FHOD1: variants seen among roughly 807,000 people sequenced by gnomAD.
FHOD1 encodes formin homology 2 domain containing 1.
A neutral mutation model predicts 111.6 loss-of-function variants in FHOD1; 89 were observed. The ratio of observed to expected loss-of-function variants is 0.80; its 90% CI spans 0.67 to 0.95. FHOD1 has a LOEUF of 0.95. FHOD1 is among the 40% of genes least tolerant of loss of function. FHOD1 has a pLI of 0.00. For missense variants in FHOD1, 1,446 were observed against 1,554.2 expected, an observed-to-expected ratio of 0.93 and a Z score of 1.17; for synonymous variants, 618 against 639.0, an observed-to-expected ratio of 0.97 and a Z score of 0.50.
Position 67,237,547 on chromosome 16 carries a change from C to T in FHOD1, c.777G>A (p.Leu259=). Residue 259 remains leucine, a synonymous_variant, in exon 8 of 22, where the codon CTG becomes CTA. Coordinates refer to ENST00000258201, the MANE Select transcript of FHOD1 (RefSeq NM_013241.3). The surrounding 1 kb of genome is among the most constrained non-coding windows in gnomAD (Gnocchi z 5.6). The stretch of plus-strand genomic sequence containing the variant: ...CATTCTTCTCCTCCAGGATGGACAC[C>T]AGATTGGCCCAGGGAGGAGCACCTG... ...STTGAPPWAN[L]VSILEEKNGA... is the part of the protein sequence containing the mutation. 6.2e-7 allele frequency: 1 copy of T among 1,614,100 alleles called. No individual in the cohort carries two copies. Among genetic ancestry groups the T allele is most frequent in the Non-Finnish European group, 8.5e-7 (1 of 1,180,024 alleles).
intron 2 of FHOD1, among the ~76,000 whole-genome samples, 157 bp from the exon 3 acceptor site, chr16:67,239,124 T>C (rs536970714): frequency 1.3e-5 from 2 of 152,206 alleles, no homozygotes; most frequent in South Asian, 4.2e-4. Context: ...GACAAGAGGG[T>C]TGGTGCAAAC....
rs1295097483 is a variant in FHOD1, at chr16:67,247,384, G to C, written c.27C>G (p.Asp9Glu). The stretch of plus-strand genomic sequence containing the variant: ...CGGTCACCACTGATACCGGCTCTCC[G>C]TCCCCGCGGTCTTCCCCGCCCGCCA... The part of the protein sequence containing the change: MAGGEDRG[D>E]GEPVSVVTVR... Residue 9 changes from aspartate to glutamate, a missense_variant, in exon 1 of 22, where the codon GAC (aspartate) becomes GAG (glutamate). By Grantham distance (45) the Asp-to-Glu change is conservative. Around this residue, in one of 3 missense-constraint regions of FHOD1, gnomAD observed 127 missense variants for 118.0 expected, o/e 1.08. Transcript: ENST00000258201. 6.2e-7 allele frequency: 1 copy of C among 1,612,878 alleles called. No homozygotes were observed. The highest frequency in any genetic ancestry group is 1.7e-5 in the Admixed American group (1 of 59,970).
In FHOD1 at chr16:67,231,108, G is replaced by T; in HGVS notation, c.2667+80C>A. On this transcript the variant is annotated intron_variant, in intron 17 of 21. Transcript: ENST00000258201. This position sits in a 1 kb window ranked among gnomAD's most constrained non-coding sequence, Gnocchi z 4.3. ...GCCCTGGCACAGCAGCCCAAATGGG[G>T]AGAAGGGGGAGGAGCCAGGCCCAGG... is the stretch of plus-strand genomic sequence containing the variant. The T allele has an allele frequency of 6.4e-7, 1 of 1,554,756 alleles. No homozygotes were observed. The highest frequency in any genetic ancestry group is 2.3e-5 in the East Asian group (1 of 44,316).
In FHOD1 at chr16:67,238,483, C is replaced by A. The variant is rs1378025329; in HGVS notation, c.374-36G>T. The A allele has an allele frequency of 6.4e-7, 1 of 1,570,282 alleles. No homozygotes were observed. Among genetic ancestry groups the A allele is most frequent in the African/African-American group, 1.4e-5 (1 of 74,004 alleles). On this transcript the variant is annotated intron_variant, in intron 3 of 21. Coordinates refer to ENST00000258201, the MANE Select transcript of FHOD1 (RefSeq NM_013241.3). This position sits in a 1 kb window ranked among gnomAD's most constrained non-coding sequence, Gnocchi z 4.2. ...TAGGGTATAAAACCCTTGATGGACACAGACTCACTGTCTTCCTCTGCTTGG... is the reference window on the plus strand; with the variant it reads ...TAGGGTATAAAACCCTTGATGGACAAAGACTCACTGTCTTCCTCTGCTTGG...
Position 67,234,601 on chromosome 16 carries a change from T to C in FHOD1, c.1320-129A>G. The C allele has an allele frequency of 9.2e-6, 7 of 760,262 alleles. No homozygotes were observed. In the South Asian group the frequency reaches 1.2e-4, roughly 13 times the overall value. The allele number at this position is 760,262 out of a possible 1,614,324, so 47.1% of individuals were successfully genotyped here. A position where few individuals can be genotyped will look rare whatever the true frequency, so the allele number is the denominator to read the frequency against. ...GACACACAGGGAACAGTCCATGCGC[T>C]GAGCAGACCAGAACCACACCCCCCC... On this transcript the variant is annotated intron_variant, in intron 11 of 21. Transcript: ENST00000258201.
chr16:67,233,182 G>T (rs1474610512), intron 13 of FHOD1, among the ~76,000 whole-genome samples: 5 of 151,536 alleles, frequency 3.3e-5, no homozygotes, highest in Non-Finnish European at 5.9e-5. Context: ...TACCTCCCGG[G>T]TTCAAGTGAT....
intron 1 of FHOD1, among the ~76,000 whole-genome samples, chr16:67,242,664 T>G (rs1283746047): frequency 6.6e-6 from 1 of 152,180 alleles, no homozygotes; most frequent in Non-Finnish European, 1.5e-5. Context: ...CCTTCTTGGC[T>G]CTTGTCTTCC....
rs1320140209 is a variant in FHOD1 at position 67,236,640 on chromosome 16, G to A, written c.1236C>T (p.Ser412=). 10 of 1,612,730 alleles carry A rather than the reference G, an allele frequency of 6.2e-6. No homozygotes were observed. Among genetic ancestry groups the A allele is most frequent in the East Asian group, 4.5e-5 (2 of 44,880 alleles). ...GPASSPVGPP[S]GLQASVNLFP... ...AAAGGTTCACTGAAGCTTGGAGACC[G>A]GAGGGAGGGCCCACAGGGCTGGAGG... The change falls in exon 11 of 22, where the codon TCC becomes TCT. Residue 412 remains serine (S), a synonymous_variant. Coordinates refer to ENST00000258201, the MANE Select transcript of FHOD1 (RefSeq NM_013241.3).
In FHOD1 at chr16:67,237,664, G is replaced by T. The variant is rs2034541392; in HGVS notation, c.747C>A (p.Ser249Arg). 1.2e-6 allele frequency: 2 copies of T among 1,613,958 alleles called. No individual in the cohort carries two copies. Among genetic ancestry groups the T allele is most frequent in the Non-Finnish European group, 8.5e-7 (1 of 1,179,948 alleles). ...AAAGGGACAGTCTCTGACCGGTGGT[G>T]CTGGCCACAGAGTTCACTGCACGGA... ...LFIRAVNSVASTTGAPPWANL... is the reference protein window; with the variant it reads ...LFIRAVNSVARTTGAPPWANL... Residue 249 changes from serine (S) to arginine (R), a missense_variant, in exon 7 of 22, where the codon AGC becomes AGA. Physicochemically the swap from Ser to Arg is moderately radical, Grantham distance 110. Around this residue, in one of 3 missense-constraint regions of FHOD1, gnomAD observed 234 missense variants for 327.4 expected, o/e 0.71. Coordinates refer to ENST00000258201, the MANE Select transcript of FHOD1 (RefSeq NM_013241.3). The surrounding 1 kb of genome is among the most constrained non-coding windows in gnomAD (Gnocchi z 5.6).
chr16:67,230,529 G>A, intron 18 of FHOD1, 23 bp from the exon 19 acceptor site: 1 of 1,613,802 alleles, frequency 6.2e-7, no homozygotes, highest in Non-Finnish European at 8.5e-7. Flanking sequence ...GAGTAGGGAG[G>A]GACAGTAAGT....
chr16:67,233,950 G>A lies in FHOD1; in HGVS notation c.1753C>T (p.Pro585Ser). 2 of 1,596,966 alleles carry A rather than the reference G, an allele frequency of 1.3e-6. No individual in the cohort carries two copies. The highest frequency in any genetic ancestry group is 1.7e-6 in the Non-Finnish European group (2 of 1,171,588). The stretch of plus-strand genomic sequence containing the variant: ...GGTGGGGGAGGTGGAAGTGGGGGAG[G>A]GGGGGGTACTCCCGAGAGCAGGGGC... ...PLPLLSGVPP[P>S]PPLPPPPPIK... The change falls in exon 13 of 22, where the codon CCT (proline) becomes TCT (serine). Residue 585 changes from proline to serine, a missense_variant. By Grantham distance (74) the Pro-to-Ser change is moderately conservative. Around this residue, in one of 3 missense-constraint regions of FHOD1, gnomAD observed 1,085 missense variants for 1,108.8 expected, o/e 0.98. Coordinates refer to ENST00000258201, the MANE Select transcript of FHOD1 (RefSeq NM_013241.3).
At chr16:67,230,978 A>C (rs1258952019) in intron 17 of FHOD1, 187 bp from the exon 18 acceptor site, 13 of 827,918 alleles carry the variant, frequency 1.6e-5, no homozygotes, top group East Asian at 5.3e-5. Flanking sequence ...TACTGGGGGA[A>C]GTGGCAGTTA....
At position 67,231,990 on chromosome 16, in the gene FHOD1, A is replaced by T. The variant is rs375464202; in HGVS notation, c.2202+49T>A. The T allele has an allele frequency of 8.8e-5, 141 of 1,604,972 alleles. No homozygotes were observed. The highest frequency in any genetic ancestry group is 1.2e-4 in the Non-Finnish European group (139 of 1,174,138). On this transcript the variant is annotated intron_variant, in intron 14 of 21. Transcript: ENST00000258201. This position sits in a 1 kb window ranked among gnomAD's most constrained non-coding sequence, Gnocchi z 4.3. ...AGGGACAGGAAATGCCCACCTACCA[A>T]AGGAGAAGGCCAGACCTCCCCCCAA...
intron 2 of FHOD1, 61 bp downstream of exon 2, chr16:67,239,287 T>C (rs919960364): frequency 5.3e-6 from 7 of 1,308,468 alleles, no homozygotes; most frequent in Non-Finnish European, 7.8e-6. Context: ...CTGCTGACAT[T>C]TGAGCTAGCC....
intron 1 of FHOD1, 149 bp downstream of exon 1, chr16:67,247,061 G>A: frequency 1.2e-6 from 1 of 863,234 alleles, no homozygotes; most frequent in Non-Finnish European, 1.7e-6. Flanking sequence ...CCCCGCAGGC[G>A]GGGCAGAGTG....
intron 11 of FHOD1, 43 bp downstream of exon 11, chr16:67,236,514 A>G: frequency 6.3e-7 from 1 of 1,597,806 alleles, no homozygotes; most frequent in Admixed American, 1.7e-5. Context: ...CGGAGGGACA[A>G]TGGGAGAGAG....
rs1332519767 is a variant in FHOD1, at chr16:67,233,952, G to A, written c.1751C>T (p.Pro584Leu). Residue 584 changes from proline to leucine, a missense_variant, in exon 13 of 22, where the codon CCC becomes CTC. Coordinates refer to ENST00000258201, the MANE Select transcript of FHOD1 (RefSeq NM_013241.3). Reference protein sequence around the residue: ...PPLPLLSGVPPPPPLPPPPPI... With the variant: ...PPLPLLSGVPLPPPLPPPPPI... ...TGGGGGAGGTGGAAGTGGGGGAGGGGGGGGTACTCCCGAGAGCAGGGGCAG... is the reference window on the plus strand; with the variant it reads ...TGGGGGAGGTGGAAGTGGGGGAGGGAGGGGTACTCCCGAGAGCAGGGGCAG... 1.9e-6 allele frequency: 3 copies of A among 1,597,066 alleles called. No homozygotes were observed. The highest frequency in any genetic ancestry group is 2.6e-6 in the Non-Finnish European group (3 of 1,171,278).
In FHOD1 at chr16:67,233,943, G is replaced by T; in HGVS notation, c.1760C>A (p.Pro587Gln). The change falls in exon 13 of 22, where the codon CCA becomes CAA. Residue 587 changes from proline to glutamine, a missense_variant. By Grantham distance (76) the Pro-to-Gln change is moderately conservative (BLOSUM62 -1). Coordinates refer to ENST00000258201, the MANE Select transcript of FHOD1 (RefSeq NM_013241.3). ...TTTGATGGGTGGGGGAGGTGGAAGT[G>T]GGGGAGGGGGGGGTACTCCCGAGAG... ...PLLSGVPPPP[P>Q]LPPPPPIKGP... The T allele has an allele frequency of 6.3e-7, 1 of 1,593,062 alleles. No individual in the cohort carries two copies. The highest frequency in any genetic ancestry group is 8.5e-7 in the Non-Finnish European group (1 of 1,170,054).
Position 67,238,528 on chromosome 16 carries a change from C to A in FHOD1, c.374-81G>T, listed in dbSNP as rs1276865383. ...GCTTGGATACAACCACAACTCTCCA[C>A]CAAAGAATAGTCTAATATATATGTT... On this transcript the variant is annotated intron_variant, in intron 3 of 21. Coordinates refer to ENST00000258201, the MANE Select transcript of FHOD1 (RefSeq NM_013241.3). This position sits in a 1 kb window ranked among gnomAD's most constrained non-coding sequence, Gnocchi z 4.2. 2 of 1,289,470 alleles carry A rather than the reference C, an allele frequency of 1.6e-6. No homozygotes were observed. Among genetic ancestry groups the A allele is most frequent in the African/African-American group, 2.9e-5 (2 of 68,078 alleles). 79.9% of individuals were successfully genotyped at this position (1,289,470 alleles called of 1,614,324 possible). A position where few individuals can be genotyped will look rare whatever the true frequency, so the allele number is the denominator to read the frequency against.
Sources: gnomAD v4.1 joint callset for allele counts (sites outside exome capture counted in the v4.1 genomes callset) on GRCh38, gnomAD v4.1.1 for gene constraint, gnomAD v4.1.1 regional missense constraint, Gnocchi (gnomAD v3.1) non-coding constraint, MANE v1.5 for transcripts, NCBI Gene and HGNC (gene_info 2026-07-23, HGNC 2026-07-21) for gene names.